Variants in NEMP1 observed in about 807,000 individuals in gnomAD.
The protein encoded by NEMP1 is transmembrane protein 194.
In NEMP1, 29 loss-of-function variants were observed where a neutral mutation model predicts 53.7. The observed-to-expected ratio is 0.54, with a 90% CI of 0.40 to 0.74. The LOEUF (loss-of-function observed/expected upper bound fraction) is 0.74, where lower values mean the gene tolerates loss of function less well. NEMP1 is among the 30% of genes least tolerant of loss of function. The probability of loss-of-function intolerance (pLI) is 0.00; values close to 1 mark genes in which losing one functional copy is unlikely to be tolerated. For missense variants in NEMP1, 477 were observed against 528.6 expected, an observed-to-expected ratio of 0.90 and a Z score of 0.96; for synonymous variants, 193 against 192.9, an observed-to-expected ratio of 1.00 and a Z score of 0.00.
At chr12:57,080,650 G>A (rs2032821648), upstream of NEMP1, among the ~76,000 whole-genome samples, 2 of 151,498 alleles carry the variant, frequency 1.3e-5, no homozygotes, top group South Asian at 4.2e-4. Context: ...AGCACTTTTG[G>A]GAGGTTGAGG....
At position 57,057,691 on chromosome 12, in the gene NEMP1, T is replaced by C. The variant is rs372966364; in HGVS notation, c.*2188A>G. The C allele has an allele frequency of 6.6e-6, 1 of 152,096 alleles. No homozygotes were observed. The highest frequency in any genetic ancestry group is 1.5e-5 in the Non-Finnish European group (1 of 68,022). 9.4% of individuals were successfully genotyped at this position (152,096 alleles called of 1,614,324 possible). A position where few individuals can be genotyped will look rare whatever the true frequency, so the allele number is the denominator to read the frequency against. On this transcript the variant is annotated 3_prime_UTR_variant, in exon 9 of 9. Transcript: ENST00000300128. ...ACAGTTTGATTTTATTCACCTCAAG[T>C]CTAAACACGGTGGAAAAAAAACTGG...
At chr12:57,076,546 G>T (rs527751509) in intron 1 of NEMP1, among the ~76,000 whole-genome samples, 20 of 152,100 alleles carry the variant, frequency 1.3e-4, no homozygotes, top group African/African-American at 4.8e-4. Flanking sequence ...GGTGGCTCAC[G>T]CCTGTAATCC....
chr12:57,069,173 A>G (rs756340764), intron 4 of NEMP1, 61 bp downstream of exon 4: 53 of 1,231,842 alleles, frequency 4.3e-5, no homozygotes, highest in Non-Finnish European at 5.8e-5. Context: ...AATAGTTACT[A>G]TAAAACGCAG....
chr12:57,087,472 C>T (rs2033042285), intron 1 of NEMP1, among the ~76,000 whole-genome samples: 2 of 152,040 alleles, frequency 1.3e-5, no homozygotes. Context: ...CGCCCACACC[C>T]CGTACGGGGT....
In NEMP1 at chr12:57,060,845, C is replaced by T. The variant is rs922233762; in HGVS notation, c.1081G>A (p.Glu361Lys). The T allele has an allele frequency of 1.2e-6, 2 of 1,614,056 alleles. No individual in the cohort carries two copies. Among genetic ancestry groups the T allele is most frequent in the Admixed American group, 3.3e-5 (2 of 59,994 alleles). Residue 361 changes from glutamate (E) to lysine (K), a missense_variant, in exon 8 of 9, where the codon GAG (glutamate) becomes AAG (lysine). Physicochemically the swap from Glu to Lys is moderately conservative, Grantham distance 56. Coordinates refer to ENST00000300128, the MANE Select transcript of NEMP1 (RefSeq NM_001130963.2). ...GEVETRKALE[E>K]LREFCNSPDC... is the part of the protein sequence containing the mutation. ...GGACTGTTACAAAATTCTCGGAGCT[C>T]CTCTAAAGCCTTTCGGGTTTCTACC... is the stretch of plus-strand genomic sequence containing the variant.
intron 8 of NEMP1, among the ~76,000 whole-genome samples, 198 bp from the exon 9 acceptor site, chr12:57,060,257 G>A (rs1287494483): frequency 1.3e-5 from 2 of 152,190 alleles, no homozygotes; most frequent in Admixed American, 1.3e-4. Flanking sequence ...TGGGATCATA[G>A]GCTAATACCC....
chr12:57,078,054 C>G (rs11608463), intron 1 of NEMP1, among the ~76,000 whole-genome samples: 2 of 152,176 alleles, frequency 1.3e-5, no homozygotes, highest in African/African-American at 4.8e-5. Context: ...GCACTCCAGC[C>G]TGAGTGACAG....
intron 1 of NEMP1, among the ~76,000 whole-genome samples, chr12:57,087,773 G>A (rs1224154845): frequency 2.0e-5 from 3 of 151,804 alleles, no homozygotes; most frequent in Non-Finnish European, 2.9e-5. Context: ...CGGACAGAGA[G>A]GCGGGGCGGG....
chr12:57,063,008 A>G, intron 7 of NEMP1, 111 bp downstream of exon 7: 1 of 805,072 alleles, frequency 1.2e-6, no homozygotes, highest in Non-Finnish European at 2.1e-6. Context: ...GTACAATACA[A>G]TGACTTTTCA....
At chr12:57,086,310 A>T (rs1421040759) in intron 1 of NEMP1, among the ~76,000 whole-genome samples, 1 of 152,110 alleles carries the variant, frequency 6.6e-6, no homozygotes, top group Admixed American at 6.5e-5. Flanking sequence ...CCCTTCACGG[A>T]GGAGACCAGC....
Position 57,070,911 on chromosome 12 carries a change from T to C in NEMP1, c.253-18A>G, listed in dbSNP as rs1186307347. 6.4e-7 allele frequency: 1 copy of C among 1,571,502 alleles called. No homozygotes were observed. Among genetic ancestry groups the C allele is most frequent in the African/African-American group, 1.4e-5 (1 of 72,928 alleles). On this transcript the variant is annotated intron_variant, in intron 2 of 8. Coordinates refer to ENST00000300128, the MANE Select transcript of NEMP1 (RefSeq NM_001130963.2). ...ACTCGGATCTGTAACACAAATAAAA[T>C]CAGGATGAGAAAAAAGGAAGTAGGA...
rs902695281 is a variant in NEMP1, at chr12:57,056,296, C to T, written c.*3583G>A. ...TTCATAAGCTTAAGTCACCAAAAGA[C>T]ATCACTGGGTCATAATTATATAGGT... On this transcript the variant is annotated 3_prime_UTR_variant, in exon 9 of 9. Transcript: ENST00000300128. 6.6e-5 allele frequency: 10 copies of T among 151,916 alleles called. No homozygotes were observed. The highest frequency in any genetic ancestry group is 2.2e-4 in the African/African-American group (9 of 41,346). The allele number at this position is 151,916 out of a possible 1,614,324, so 9.4% of individuals were successfully genotyped here.
rs1247854738 is a variant in NEMP1, at chr12:57,072,793, T to G, written c.247A>C (p.Ile83Leu). 6.2e-7 allele frequency: 1 copy of G among 1,606,384 alleles called. No homozygotes were observed. The highest frequency in any genetic ancestry group is 8.5e-7 in the Non-Finnish European group (1 of 1,176,096). Reference protein sequence around the residue: ...IPKWHDIWTRIQIRVNSSRLV... With the variant: ...IPKWHDIWTRLQIRVNSSRLV... The stretch of plus-strand genomic sequence containing the variant: ...AGAGGATTCCAAGTTATTACCTGTA[T>G]CCGTGTCCATATATCATGCCATTTT... Residue 83 changes from isoleucine (I) to leucine (L), a missense_variant, in exon 2 of 9, where the codon ATA (isoleucine) becomes CTA (leucine). Transcript: ENST00000300128.
rs148717635 is a variant in NEMP1 at position 57,063,243 on chromosome 12, G to A, written c.856C>T (p.Leu286=). ...GAATACATGAAACACAGGCCCATCA[G>A]CTGCAAGGTCCAGGTCAGCAGGTTG... ...SINLLTWTLQ[L]MGLCFMYSGI... is the part of the protein sequence containing the mutation. The change falls in exon 7 of 9, where the codon CTG becomes TTG. Residue 286 remains leucine, a synonymous_variant. Coordinates refer to ENST00000300128, the MANE Select transcript of NEMP1 (RefSeq NM_001130963.2). 46 of 1,614,054 alleles carry A rather than the reference G, an allele frequency of 2.8e-5. No individual in the cohort carries two copies. The highest frequency in any genetic ancestry group is 3.6e-5 in the Non-Finnish European group (42 of 1,180,028).
chr12:57,082,533 TAG>T (rs1404033555), upstream of NEMP1, among the ~76,000 whole-genome samples: 4 of 152,002 alleles, frequency 2.6e-5, no homozygotes, highest in East Asian at 1.9e-4. Context: ...GGCAACATAG[TAG>T]GACTCTGTCT....
intron 1 of NEMP1, 82 bp from the exon 2 acceptor site, chr12:57,072,994 C>T: frequency 7.6e-7 from 1 of 1,309,766 alleles, no homozygotes; most frequent in Non-Finnish European, 1.0e-6. Flanking sequence ...TTAAACTAAC[C>T]ATTTTCCTAA....
At chr12:57,085,556 ATCTG>A (rs2032967411) in intron 1 of NEMP1, among the ~76,000 whole-genome samples, 1 of 152,258 alleles carries the variant, frequency 6.6e-6, no homozygotes, top group Non-Finnish European at 1.5e-5. Context: ...GGTTAGGATT[ATCTG>A]TCTTTCAGGA....
intron 8 of NEMP1, among the ~76,000 whole-genome samples, chr12:57,060,441 A>G (rs1216619853): frequency 6.6e-6 from 1 of 152,186 alleles, no homozygotes; most frequent in Non-Finnish European, 1.5e-5. Context: ...GAAGCTTCAC[A>G]TACTCATTGG....
chr12:57,085,189 T>A (rs1003783574), intron 1 of NEMP1, among the ~76,000 whole-genome samples: 1 of 152,174 alleles, frequency 6.6e-6, no homozygotes, highest in Non-Finnish European at 1.5e-5. Context: ...TTTGTTTTTG[T>A]TTTTTGTTTT....
Sources: allele counts gnomAD v4.1 joint callset (sites outside exome capture counted in the v4.1 genomes callset), GRCh38; gene constraint gnomAD v4.1.1; transcripts MANE v1.5; gene names NCBI Gene and HGNC (gene_info 2026-07-23, HGNC 2026-07-21).